Variants in FAH observed in about 807,000 individuals in gnomAD.
The protein encoded by FAH is fumarylacetoacetate hydrolase.
In FAH, 47 loss-of-function variants were observed where a neutral mutation model predicts 55.8. That is an observed-to-expected ratio of 0.84 (90% CI 0.67 to 1.07). The LOEUF is 1.07. FAH is among the 50% of genes least tolerant of loss of function. The pLI is 0.00. For synonymous variants in FAH, 199 were observed against 207.7 expected, an observed-to-expected ratio of 0.96 and a Z score of 0.36; for missense variants, 495 against 545.9, an observed-to-expected ratio of 0.91 and a Z score of 0.93.
chr15:80,155,895 T>A (rs1050383348), intron 1 of FAH: 13 of 477,826 alleles, frequency 2.7e-5, no homozygotes, highest in Admixed American at 2.5e-4. Context: ...AGACTTTCGC[T>A]ATTTCTTCTA....
At position 80,168,284 on chromosome 15, in the gene FAH, G is replaced by C; in HGVS notation, c.574G>C (p.Ala192Pro). ...TCCAGCTAAGCCTCCCGTATATGGT[G>C]CCTGCAAGCTCTTGGACATGGAGCT... Reference protein sequence around the residue: ...PDDSKPPVYGACKLLDMELEM... With the variant: ...PDDSKPPVYGPCKLLDMELEM... Residue 192 changes from alanine to proline, a missense_variant, in exon 7 of 14, where the codon GCC (alanine) becomes CCC (proline). Coordinates refer to ENST00000561421, the MANE Select transcript of FAH (RefSeq NM_000137.4). The C allele has an allele frequency of 6.2e-7, 1 of 1,610,404 alleles. No individual in the cohort carries two copies. The highest frequency in any genetic ancestry group is 8.5e-7 in the Non-Finnish European group (1 of 1,179,468).
Position 80,159,759 on chromosome 15 carries a change from A to G in FAH, c.196A>G (p.Thr66Ala), listed in dbSNP as rs1253744219. The change falls in exon 3 of 14, where the codon ACA becomes GCA. Residue 66 changes from threonine (T) to alanine (A), a missense_variant. Coordinates refer to ENST00000561421, the MANE Select transcript of FAH (RefSeq NM_000137.4). Reference protein sequence around the residue: ...SKHQDVFNQPTLNSFMGLGQA... With the variant: ...SKHQDVFNQPALNSFMGLGQA... ...TTTCTCCCTGTTTTGGTCTTAGCCT[A>G]CACTCAACAGCTTCATGGGCCTGGG... 3.7e-6 allele frequency: 6 copies of G among 1,614,050 alleles called. No homozygotes were observed. The highest frequency in any genetic ancestry group is 2.7e-5 in the African/African-American group (2 of 74,914).
intron 3 of FAH, 67 bp from the exon 4 acceptor site, chr15:80,160,343 T>G: frequency 1.3e-6 from 2 of 1,509,502 alleles, no homozygotes; most frequent in South Asian, 1.1e-5. Flanking sequence ...TGGTCTGGGC[T>G]GAGCCCGTGG....
At chr15:80,162,194 T>C in intron 4 of FAH, 52 bp from the exon 5 acceptor site, 7 of 1,403,892 alleles carry the variant, frequency 5.0e-6, no homozygotes, top group Non-Finnish European at 7.1e-6. Flanking sequence ...CAGTCCATTC[T>C]TCCTGAGGCA....
chr15:80,172,174 G>C lies in FAH; in HGVS notation c.632G>C (p.Arg211Thr), dbSNP rs1039905839. Residue 211 changes from arginine (R) to threonine (T), a missense_variant, in exon 8 of 14, where the codon AGA becomes ACA. Coordinates refer to ENST00000561421, the MANE Select transcript of FAH (RefSeq NM_000137.4). ...EMAFFVGPGN[R>T]LGEPIPISKA... The stretch of plus-strand genomic sequence containing the variant: ...GCTTTTTTTGTAGGCCCTGGAAACA[G>C]ATTGGGAGAGCCGATCCCCATTTCC... The C allele has an allele frequency of 3.7e-6, 6 of 1,614,016 alleles. No homozygotes were observed. Among genetic ancestry groups the C allele is most frequent in the Admixed American group, 1.7e-5 (1 of 59,996 alleles).
intron 7 of FAH, among the ~76,000 whole-genome samples, chr15:80,171,298 G>A (rs1333678380): frequency 6.6e-6 from 1 of 151,308 alleles, no homozygotes; most frequent in African/African-American, 2.4e-5. Context: ...TATACACCAT[G>A]GAATACTATG....
intron 13 of FAH, among the ~76,000 whole-genome samples, chr15:80,181,744 T>G (rs78973906): frequency 0.017 from 2,647 of 152,206 alleles, 74 homozygotes; most frequent in African/African-American, 0.06. Context: ...ACCTCATCTT[T>G]AATTATTTTT....
intron 5 of FAH, among the ~76,000 whole-genome samples, chr15:80,167,484 C>T (rs1156895753): frequency 6.6e-6 from 1 of 150,816 alleles, no homozygotes; most frequent in East Asian, 1.9e-4. Flanking sequence ...AAATTCTTAA[C>T]TTGATTACAT....
chr15:80,161,756 C>T (rs944977179), intron 4 of FAH, among the ~76,000 whole-genome samples: 1 of 152,150 alleles, frequency 6.6e-6, no homozygotes, highest in Non-Finnish European at 1.5e-5. Flanking sequence ...GCGAAGCCTG[C>T]CCCAGAAGGA....
intron 2 of FAH, 130 bp downstream of exon 2, chr15:80,158,300 A>C: frequency 1.3e-6 from 1 of 786,206 alleles, no homozygotes; most frequent in South Asian, 1.4e-5. Context: ...TTATACTTGG[A>C]TAAGGCTGGG....
At chr15:80,170,138 C>T (rs1005326708) in intron 7 of FAH, among the ~76,000 whole-genome samples, 12 of 152,234 alleles carry the variant, frequency 7.9e-5, no homozygotes, top group South Asian at 2.1e-4. Flanking sequence ...GGCAGCGCTC[C>T]GGGGACCTGG....
At chr15:80,178,244 T>G (rs1209768159) in intron 11 of FAH, among the ~76,000 whole-genome samples, 1 of 152,132 alleles carries the variant, frequency 6.6e-6, no homozygotes, top group African/African-American at 2.4e-5. Context: ...ATGTACAGCT[T>G]GAAGAATTTT....
intron 10 of FAH, among the ~76,000 whole-genome samples, chr15:80,176,123 T>C (rs865942513): frequency 4.0e-5 from 6 of 151,834 alleles, no homozygotes; most frequent in Admixed American, 6.6e-5. Flanking sequence ...TTCAAGCGAG[T>C]CTTCTGCCTC....
intron 1 of FAH, chr15:80,156,865 C>T (rs2041104618): frequency 6.6e-6 from 1 of 152,314 alleles, no homozygotes; most frequent in Non-Finnish European, 1.5e-5. Context: ...GCTTTGTTTG[C>T]ATTTGAGGCA....
chr15:80,163,412 A>G (rs1401272972), intron 5 of FAH: 1 of 152,320 alleles, frequency 6.6e-6, no homozygotes, highest in Non-Finnish European at 1.5e-5. Context: ...CCAGCCCCAG[A>G]AGAGCTGGCT....
Position 80,160,623 on chromosome 15 carries a change from C to T in FAH, c.364+164C>T, listed in dbSNP as rs930698840. On this transcript the variant is annotated intron_variant, in intron 4 of 13. Coordinates refer to ENST00000561421, the MANE Select transcript of FAH (RefSeq NM_000137.4). ...CCCGCTCCTCATCACTGACCTTTCC[C>T]AGCATCCAGGCCCGGCATTCACTCA... The T allele has an allele frequency of 1.1e-4, 82 of 722,948 alleles. No homozygotes were observed. The Admixed American group carries it at 1.6e-3, about 14-fold the overall frequency. 44.8% of individuals were successfully genotyped at this position (722,948 alleles called of 1,614,324 possible).
chr15:80,183,591 G>A (rs901027799), intron 13 of FAH, among the ~76,000 whole-genome samples: 5 of 152,178 alleles, frequency 3.3e-5, no homozygotes, highest in Non-Finnish European at 1.5e-5. Context: ...CTCTGCACCT[G>A]CTCAGATGCC....
At chr15:80,169,993 G>C (rs1322134727) in intron 7 of FAH, among the ~76,000 whole-genome samples, 1 of 152,230 alleles carries the variant, frequency 6.6e-6, no homozygotes, top group East Asian at 1.9e-4. Context: ...CCTGGATGTT[G>C]ATGTTGATAC....
chr15:80,175,344 C>A (rs954816056), intron 10 of FAH, among the ~76,000 whole-genome samples: 3 of 151,972 alleles, frequency 2.0e-5, no homozygotes, highest in African/African-American at 7.3e-5. Context: ...GGATGGAGTC[C>A]GGGACTTCCA....
Sources: allele counts gnomAD v4.1 joint callset (sites outside exome capture counted in the v4.1 genomes callset), GRCh38; gene constraint gnomAD v4.1.1; transcripts MANE v1.5; gene names NCBI Gene and HGNC (gene_info 2026-07-23, HGNC 2026-07-21).